The following TPRA1 variants were observed in gnomAD, a reference collection of about 807,000 sequenced individuals.
TPRA1 encodes the protein transmembrane protein adipocyte associated 1.
In TPRA1, 28 loss-of-function variants were observed where a neutral mutation model predicts 40.1. The observed-to-expected ratio is 0.70, with a 90% CI of 0.52 to 0.96. TPRA1 has a LOEUF of 0.96. Among genes scored for constraint, TPRA1 ranks in the 40% least tolerant of loss-of-function variants. The probability of loss-of-function intolerance (pLI) is 0.00; values close to 1 mark genes in which losing one functional copy is unlikely to be tolerated. For synonymous variants in TPRA1, 219 were observed against 209.7 expected (o/e 1.04, Z -0.38); for missense variants, 441 against 482.6 (o/e 0.91, Z 0.81).
chr3:127,573,320 A>C lies in TPRA1; in HGVS notation c.*201T>G. On this transcript the variant is annotated 3_prime_UTR_variant, in exon 11 of 11. Coordinates refer to ENST00000355552, the MANE Select transcript of TPRA1 (RefSeq NM_001136053.4). ...CAGTATGAGAGCAGGTGGGAAGGGG[A>C]GGAGGGTCCCCAGTGAGAGCAGAGA... 1.6e-6 allele frequency: 1 copy of C among 612,906 alleles called. No individual in the cohort carries two copies. The highest frequency in any genetic ancestry group is 2.7e-6 in the Non-Finnish European group (1 of 364,730). The allele number at this position is 612,906 out of a possible 1,614,324, so 38.0% of individuals were successfully genotyped here.
chr3:127,584,835 T>A (rs903538952), intron 1 of TPRA1, among the ~76,000 whole-genome samples: 104 of 152,298 alleles, frequency 6.8e-4, no homozygotes, highest in African/African-American at 2.5e-3. Context: ...AGAACTTTTT[T>A]TTTGTTATAA....
chr3:127,584,332 T>C (rs1304278695), intron 1 of TPRA1, among the ~76,000 whole-genome samples: 1 of 150,008 alleles, frequency 6.7e-6, no homozygotes, highest in African/African-American at 2.5e-5. Flanking sequence ...TCTTAGCTAC[T>C]CGGTGGGGCC....
chr3:127,586,550 G>C (rs1165326141), intron 1 of TPRA1, among the ~76,000 whole-genome samples: 1 of 152,162 alleles, frequency 6.6e-6, no homozygotes, highest in African/African-American at 2.4e-5. Context: ...GTAGAGACAG[G>C]GTTTTGCCAT....
rs775695721 is a variant in TPRA1 at position 127,576,093 on chromosome 3, G to A, written c.499-43C>T. 3 of 1,488,684 alleles carry A rather than the reference G, an allele frequency of 2.0e-6. No homozygotes were observed. Among genetic ancestry groups the A allele is most frequent in the Non-Finnish European group, 2.8e-6 (3 of 1,070,558 alleles). The allele number at this position is 1,488,684 out of a possible 1,614,324, so 92.2% of individuals were successfully genotyped here. ...AAGGGAGGAAGGGAGAGGATCTCAA[G>A]GCTTCTCTCTCCCAGGGGCTTTCCC... On this transcript the variant is annotated intron_variant, in intron 6 of 10. Transcript: ENST00000355552. This position sits in a 1 kb window ranked among gnomAD's most constrained non-coding sequence, Gnocchi z 4.6.
At position 127,575,254 on chromosome 3, in the gene TPRA1, G is replaced by A. The variant is rs1177925524; in HGVS notation, c.785C>T (p.Ala262Val). 6.2e-7 allele frequency: 1 copy of A among 1,613,666 alleles called. No individual in the cohort carries two copies. The change falls in exon 10 of 11, where the codon GCC becomes GTC. Residue 262 changes from alanine to valine, a missense_variant. By Grantham distance (64) the Ala-to-Val change is moderately conservative. Transcript: ENST00000355552. Reference protein sequence around the residue: ...DIIEGLCCVDATTFLYFSFFA... With the variant: ...DIIEGLCCVDVTTFLYFSFFA... ...GAAGCTGAAGTACAGGAAGGTTGTGGCATCTACACAGCTGCGGAGAAGGCG... is the reference window on the plus strand; with the variant it reads ...GAAGCTGAAGTACAGGAAGGTTGTGACATCTACACAGCTGCGGAGAAGGCG...
rs999218785 is a variant in TPRA1, at chr3:127,572,774, G to A, written c.*747C>T. On this transcript the variant is annotated 3_prime_UTR_variant, in exon 11 of 11. Transcript: ENST00000355552. The stretch of plus-strand genomic sequence containing the variant: ...TTAATGGAGCTGAGCAGAGAGAACC[G>A]GCTGCCCAAGACAACAGTGTGTGTC... Among the ~76,000 whole-genome samples the A allele has an allele frequency of 1.3e-5, 2 of 152,176 alleles. No individual in the cohort carries two copies. The highest frequency in any genetic ancestry group is 2.4e-5 in the African/African-American group (1 of 41,434).
At chr3:127,593,042 C>T (rs974227037), upstream of TPRA1, among the ~76,000 whole-genome samples, 1 of 152,178 alleles carries the variant, frequency 6.6e-6, no homozygotes, top group Non-Finnish European at 1.5e-5. Flanking sequence ...CCTTTTGAGA[C>T]TTGGAGAATT....
rs1035341620 is a variant in TPRA1 at position 127,573,213 on chromosome 3, C to A, written c.*308G>T. 3 of 306,388 alleles carry A rather than the reference C, an allele frequency of 9.8e-6. No individual in the cohort carries two copies. The highest frequency in any genetic ancestry group is 1.8e-5 in the Non-Finnish European group (3 of 164,274). 19.0% of individuals were successfully genotyped at this position (306,388 alleles called of 1,614,324 possible). A position where few individuals can be genotyped will look rare whatever the true frequency, so the allele number is the denominator to read the frequency against. ...GGGAGAGCCAGCCCTGCCCTCGTGC[C>A]AAGGGTGCAGAGAAGGAGGGTGCCC... On this transcript the variant is annotated 3_prime_UTR_variant, in exon 11 of 11. Transcript: ENST00000355552.
chr3:127,577,524 G>C (rs1188550693), intron 3 of TPRA1, among the ~76,000 whole-genome samples: 1 of 152,184 alleles, frequency 6.6e-6, no homozygotes, highest in African/African-American at 2.4e-5. Context: ...AGCCTGCCTG[G>C]CACCCAGGAA....
chr3:127,575,733 C>G lies in TPRA1; in HGVS notation c.670+16G>C. 6.2e-7 allele frequency: 1 copy of G among 1,613,186 alleles called. No individual in the cohort carries two copies. The highest frequency in any genetic ancestry group is 8.5e-7 in the Non-Finnish European group (1 of 1,179,814). Reference sequence around the variant, plus strand: ...CCCATCCCCGCCTGTCCCAGAGCCGCCGGCCAGCTGCTCACAAGGCAGGGA... The same window carrying G: ...CCCATCCCCGCCTGTCCCAGAGCCGGCGGCCAGCTGCTCACAAGGCAGGGA... On this transcript the variant is annotated intron_variant, in intron 8 of 10. Coordinates refer to ENST00000355552, the MANE Select transcript of TPRA1 (RefSeq NM_001136053.4).
chr3:127,595,841 G>A (rs11708355), intron 1 of TPRA1, among the ~76,000 whole-genome samples: 3,284 of 152,240 alleles, frequency 0.022, 57 homozygotes, highest in Non-Finnish European at 0.035. Context: ...AAGAGCCAGT[G>A]GGAAACTAAG....
At chr3:127,592,665 G>C (rs957558954), upstream of TPRA1, among the ~76,000 whole-genome samples, 1 of 152,134 alleles carries the variant, frequency 6.6e-6, no homozygotes, top group Non-Finnish European at 1.5e-5. Flanking sequence ...GATTACAGGC[G>C]TGAGCCACCG....
upstream of TPRA1, among the ~76,000 whole-genome samples, chr3:127,592,274 G>A (rs368595695): frequency 5.9e-5 from 9 of 152,092 alleles, no homozygotes; most frequent in African/African-American, 2.2e-4. Context: ...TGTGTGACCA[G>A]GCCTAATAAC....
At chr3:127,579,937 C>T in intron 2 of TPRA1, 65 bp from the exon 3 acceptor site, 1 of 1,608,874 alleles carries the variant, frequency 6.2e-7, no homozygotes, top group Non-Finnish European at 8.5e-7. Flanking sequence ...CTCCAAGACA[C>T]AATCTGCCCC....
In TPRA1 at chr3:127,576,894, C is replaced by A; in HGVS notation, c.346-1G>T. 1.2e-6 allele frequency: 2 copies of A among 1,613,816 alleles called. No individual in the cohort carries two copies. The highest frequency in any genetic ancestry group is 1.7e-6 in the Non-Finnish European group (2 of 1,180,032). On this transcript the variant is annotated splice_acceptor_variant, in intron 4 of 10. Coordinates refer to ENST00000355552, the MANE Select transcript of TPRA1 (RefSeq NM_001136053.4). LOFTEE classifies it high-confidence loss of function. This position sits in a 1 kb window ranked among gnomAD's most constrained non-coding sequence, Gnocchi z 4.6. ...AGAAGCGGGTGATCTCCCACAGGAT[C>A]TGCACGCAGAGTGGGCACAGCGTCA...
chr3:127,577,014 C>G lies in TPRA1; in HGVS notation c.321G>C (p.Ser107=), dbSNP rs75067887. The part of the protein sequence containing the change: ...RAVVSMTVST[S]NAATVADKIL... Reference sequence around the variant, plus strand: ...CCTTATCAGCAACAGTTGCAGCGTTCGAGGTGCTCACCGTCATGGATACCA... The same window carrying G: ...CCTTATCAGCAACAGTTGCAGCGTTGGAGGTGCTCACCGTCATGGATACCA... The change falls in exon 4 of 11, where the codon TCG becomes TCC. Residue 107 remains serine (S), a synonymous_variant. Coordinates refer to ENST00000355552, the MANE Select transcript of TPRA1 (RefSeq NM_001136053.4). The G allele has an allele frequency of 4.8e-3, 7,682 of 1,613,752 alleles. 183 individuals carry two copies. In the African/African-American group the frequency reaches 0.06, roughly 13 times the overall value.
intron 10 of TPRA1, among the ~76,000 whole-genome samples, chr3:127,574,623 T>C (rs1005180774): frequency 6.6e-6 from 1 of 152,250 alleles, no homozygotes; most frequent in African/African-American, 2.4e-5. Flanking sequence ...CTTCTGGCTC[T>C]AGCAGTGTCT....
In TPRA1 at chr3:127,572,725, G is replaced by A. The variant is rs2073411072; in HGVS notation, c.*796C>T. 6.6e-6 allele frequency among the ~76,000 whole-genome samples: 1 copy of A among 152,198 alleles called. No individual in the cohort carries two copies. Among genetic ancestry groups the A allele is most frequent in the Non-Finnish European group, 1.5e-5 (1 of 68,040 alleles). ...GGGTCTTCTCCGCATTTTACAGATG[G>A]CAATAGTAAGTCCATTCTGCGTTTT... On this transcript the variant is annotated 3_prime_UTR_variant, in exon 11 of 11. Coordinates refer to ENST00000355552, the MANE Select transcript of TPRA1 (RefSeq NM_001136053.4).
chr3:127,583,764 A>G (rs2073908189), intron 1 of TPRA1, among the ~76,000 whole-genome samples: 1 of 151,194 alleles, frequency 6.6e-6, no homozygotes. Flanking sequence ...TCTGCCTCCC[A>G]GGTTCAAGCG....
Sources: allele counts gnomAD v4.1 joint callset (sites outside exome capture counted in the v4.1 genomes callset), GRCh38; gene constraint gnomAD v4.1.1; non-coding constraint Gnocchi (gnomAD v3.1); transcripts MANE v1.5; gene names NCBI Gene and HGNC (gene_info 2026-07-23, HGNC 2026-07-21).